PPP1R16A: variants seen among roughly 807,000 people sequenced by gnomAD.
The protein encoded by PPP1R16A is myosin phosphatase-targeting subunit 3.
PPP1R16A carries 39 observed loss-of-function variants against 46.6 expected under a neutral mutation model. The ratio of observed to expected loss-of-function variants is 0.84; its 90% CI spans 0.65 to 1.09. The LOEUF is 1.09. Among genes scored for constraint, PPP1R16A ranks in the 50% least tolerant of loss-of-function variants. The probability of loss-of-function intolerance (pLI) is 0.00; values close to 1 mark genes in which losing one functional copy is unlikely to be tolerated. For synonymous variants in PPP1R16A, 413 were observed against 321.5 expected, an observed-to-expected ratio of 1.28 and a Z score of -3.04; for missense variants, 798 against 735.6, an observed-to-expected ratio of 1.08 and a Z score of -0.98.
chr8:144,500,247 C>T lies in PPP1R16A; in HGVS notation c.581-20C>T. On this transcript the variant is annotated intron_variant, in intron 6 of 11. Transcript: ENST00000435887. ...GGGAGGGCTGCCGGTCGCGCTCCCT[C>T]TGAGCCTGCCGCCTCGCAGGCATCA... 1 of 1,569,484 alleles carries T rather than the reference C, an allele frequency of 6.4e-7. No homozygotes were observed. The highest frequency in any genetic ancestry group is 8.6e-7 in the Non-Finnish European group (1 of 1,158,566).
At chr8:144,481,842 A>G (rs899730557) in intron 1 of PPP1R16A, among the ~76,000 whole-genome samples, 2 of 151,856 alleles carry the variant, frequency 1.3e-5, no homozygotes, top group Non-Finnish European at 2.9e-5. Context: ...CAGTGGCACG[A>G]TCTTGGCTCA....
In PPP1R16A at chr8:144,501,475, G is replaced by T. The variant is rs369149626; in HGVS notation, c.1204-45G>T. On this transcript the variant is annotated intron_variant, in intron 11 of 11. Transcript: ENST00000435887. Reference sequence around the variant, plus strand: ...ACAGCCTGAACCCAAGGCCAGGGAGGGGGGAGGAGCCTCCTGATGGCTCTG... The same window carrying T: ...ACAGCCTGAACCCAAGGCCAGGGAGTGGGGAGGAGCCTCCTGATGGCTCTG... 1.1e-4 allele frequency: 169 copies of T among 1,491,128 alleles called. No homozygotes were observed. In the Middle Eastern group the frequency reaches 7.4e-3, roughly 66 times the overall value. The allele number at this position is 1,491,128 out of a possible 1,614,324, so 92.4% of individuals were successfully genotyped here. A position where few individuals can be genotyped will look rare whatever the true frequency, so the allele number is the denominator to read the frequency against.
At position 144,500,065 on chromosome 8, in the gene PPP1R16A, G is replaced by A. The variant is rs147165392; in HGVS notation, c.477-31G>A. 2.3e-5 allele frequency: 36 copies of A among 1,581,886 alleles called. No homozygotes were observed. In the African/African-American group the frequency reaches 4.9e-4, roughly 21 times the overall value. On this transcript the variant is annotated intron_variant, in intron 5 of 11. Coordinates refer to ENST00000435887, the MANE Select transcript of PPP1R16A (RefSeq NM_001329443.2). ...AGCCTGGCAAGCGGGGAAGGGCCTT[G>A]TGCCCAGCACCCCGTCCGTCTTCCC...
rs753729885 is a variant in PPP1R16A, at chr8:144,500,388, G to T, written c.702G>T (p.Thr234=). The T allele has an allele frequency of 6.6e-7, 1 of 1,525,496 alleles. No individual in the cohort carries two copies. The highest frequency in any genetic ancestry group is 2.1e-4 in the Middle Eastern group (1 of 4,874). The allele number at this position is 1,525,496 out of a possible 1,614,324, so 94.5% of individuals were successfully genotyped here. The part of the protein sequence containing the change: ...DLHAPLDHGA[T]LLHVAAANGF... The stretch of plus-strand genomic sequence containing the variant: ...ATGCCCCCCTGGACCACGGGGCCAC[G>T]CTGGTGAGGGCTGGGGGGTGAGGGG... Residue 234 remains threonine, a synonymous_variant, in exon 7 of 12, where the codon ACG becomes ACT. Coordinates refer to ENST00000435887, the MANE Select transcript of PPP1R16A (RefSeq NM_001329443.2).
Position 144,498,795 on chromosome 8 carries a change from C to CA in PPP1R16A, c.286dup (p.Ser96LysfsTer3). 6.3e-7 allele frequency: 1 copy of CA among 1,596,736 alleles called. No homozygotes were observed. The highest frequency in any genetic ancestry group is 8.6e-7 in the Non-Finnish European group (1 of 1,167,174). On this transcript the variant is annotated frameshift_variant, in exon 4 of 12. Coordinates refer to ENST00000435887, the MANE Select transcript of PPP1R16A (RefSeq NM_001329443.2). LOFTEE classifies it high-confidence loss of function. ...TCCGCCAGTTCCTTGGGAGTGGGGT[C>CA]AGCCCTGACTTGGCCAACGAGGACG...
chr8:144,479,024 C>T (rs1326681869), intron 1 of PPP1R16A: 3 of 152,728 alleles, frequency 2.0e-5, no homozygotes, highest in African/African-American at 7.2e-5. Context: ...GTACCGCTGC[C>T]TTTCTCAAAG....
chr8:144,501,575 T>A lies in PPP1R16A; in HGVS notation c.1259T>A (p.Val420Glu). 1 of 1,597,908 alleles carries A rather than the reference T, an allele frequency of 6.3e-7. No homozygotes were observed. ...AATGGCCGAGTAGGGGGCTCCCCAGTGCGGCATCTATACTCCAAGCGACTA... is the reference window on the plus strand; with the variant it reads ...AATGGCCGAGTAGGGGGCTCCCCAGAGCGGCATCTATACTCCAAGCGACTA... ...PHNGRVGGSP[V>E]RHLYSKRLDR... Residue 420 changes from valine to glutamate, a missense_variant, in exon 12 of 12, where the codon GTG becomes GAG. Transcript: ENST00000435887.
chr8:144,483,718 T>C (rs1320421413), intron 1 of PPP1R16A, among the ~76,000 whole-genome samples: 1 of 151,932 alleles, frequency 6.6e-6, no homozygotes, highest in Non-Finnish European at 1.5e-5. Flanking sequence ...TTTTTTTTTT[T>C]GAGACAGAGT....
Position 144,500,962 on chromosome 8 carries a change from G to A in PPP1R16A, c.1028G>A (p.Gly343Asp). 1 of 1,473,266 alleles carries A rather than the reference G, an allele frequency of 6.8e-7. No individual in the cohort carries two copies. Among genetic ancestry groups the A allele is most frequent in the African/African-American group, 1.5e-5 (1 of 67,818 alleles). The allele number at this position is 1,473,266 out of a possible 1,614,324, so 91.3% of individuals were successfully genotyped here. A position where few individuals can be genotyped will look rare whatever the true frequency, so the allele number is the denominator to read the frequency against. ...CTGCGCCGCCGCACCTCCAGCGCCG[G>A]CAGCCGCGGGTGAGCGCCGCCCCCA... is the stretch of plus-strand genomic sequence containing the variant. The part of the protein sequence containing the change: ...SLLRRRTSSA[G>D]SRGKVVRRVS... Residue 343 changes from glycine to aspartate, a missense_variant, in exon 10 of 12, where the codon GGC (glycine) becomes GAC (aspartate). Coordinates refer to ENST00000435887, the MANE Select transcript of PPP1R16A (RefSeq NM_001329443.2).
At chr8:144,480,272 G>C (rs530374208) in intron 1 of PPP1R16A, among the ~76,000 whole-genome samples, 1 of 152,304 alleles carries the variant, frequency 6.6e-6, no homozygotes, top group East Asian at 1.9e-4. Flanking sequence ...ACTGTGAAGG[G>C]CTAGGCAGCA....
rs1229210394 is a variant in PPP1R16A, at chr8:144,501,183, G to T, written c.1092G>T (p.Gln364His). The change falls in exon 11 of 12, where the codon CAG (glutamine) becomes CAT (histidine). Residue 364 changes from glutamine (Q) to histidine (H), a missense_variant. By Grantham distance (24) the Gln-to-His change is conservative (BLOSUM62 0). Transcript: ENST00000435887. ...LTQRTDLYRK[Q>H]HAQEAIVWQQ... ...AGCGCACCGACCTGTACCGCAAGCA[G>T]CACGCCCAGGAGGCCATCGTGTGGC... 1.2e-6 allele frequency: 2 copies of T among 1,610,338 alleles called. No homozygotes were observed.
intron 11 of PPP1R16A, 40 bp downstream of exon 11, chr8:144,501,334 G>C (rs1274208555): frequency 6.5e-7 from 1 of 1,534,608 alleles, no homozygotes; most frequent in African/African-American, 1.4e-5. Flanking sequence ...GCAGGGGTGG[G>C]CCTGGCTCTG....
At position 144,502,062 on chromosome 8, in the gene PPP1R16A, T is replaced by C. The variant is rs1826551380; in HGVS notation, c.*159T>C. ...GTCAGAAGACATGCCTGGAGGGATG[T>C]CTGGCTGCAAAGACTATTTTTATCC... is the stretch of plus-strand genomic sequence containing the variant. On this transcript the variant is annotated 3_prime_UTR_variant, in exon 12 of 12. Transcript: ENST00000435887. 4 of 676,180 alleles carry C rather than the reference T, an allele frequency of 5.9e-6. No homozygotes were observed. The highest frequency in any genetic ancestry group is 9.3e-6 in the Non-Finnish European group (4 of 429,492). The allele number at this position is 676,180 out of a possible 1,614,324, so 41.9% of individuals were successfully genotyped here. A position where few individuals can be genotyped will look rare whatever the true frequency, so the allele number is the denominator to read the frequency against.
At chr8:144,486,238 G>C (rs762730915) in intron 1 of PPP1R16A, among the ~76,000 whole-genome samples, 2 of 152,056 alleles carry the variant, frequency 1.3e-5, no homozygotes, top group African/African-American at 4.8e-5. Context: ...GCTAATTTTT[G>C]TATTTGTAGT....
intron 1 of PPP1R16A, among the ~76,000 whole-genome samples, chr8:144,481,422 C>T (rs1825419686): frequency 6.6e-6 from 1 of 151,690 alleles, no homozygotes; most frequent in South Asian, 2.1e-4. Context: ...GCGGGTGGAT[C>T]ATCTGAGGTT....
Position 144,497,464 on chromosome 8 carries a change from C to G in PPP1R16A, c.259+11C>G. ...ATGACCTGGAAGAAGGTGAGTGTGG[C>G]TGAGCCCAGAGCAGCTCCCAGCAGA... On this transcript the variant is annotated intron_variant, in intron 3 of 11. Coordinates refer to ENST00000435887, the MANE Select transcript of PPP1R16A (RefSeq NM_001329443.2). 6.2e-7 allele frequency: 1 copy of G among 1,612,366 alleles called. No individual in the cohort carries two copies. Among genetic ancestry groups the G allele is most frequent in the Non-Finnish European group, 8.5e-7 (1 of 1,179,960 alleles).
intron 5 of PPP1R16A, 192 bp downstream of exon 5, chr8:144,499,253 C>G: frequency 1.4e-6 from 1 of 739,032 alleles, no homozygotes; most frequent in East Asian, 2.8e-5. Flanking sequence ...CCCAGGGCAG[C>G]GCGGTCCCTG....
rs766707602 is a variant in PPP1R16A at position 144,501,786 on chromosome 8, G to A, written c.1470G>A (p.Thr490=). The stretch of plus-strand genomic sequence containing the variant: ...CTGAGCCTGGCCTGCCTGGTGACAC[G>A]GTGACCCCCCAGCCTGACTGTGGCT... The part of the protein sequence containing the change: ...ETAEPGLPGD[T]VTPQPDCGFR... The change falls in exon 12 of 12, where the codon ACG becomes ACA. Residue 490 remains threonine (T), a synonymous_variant. Transcript: ENST00000435887. 133 of 1,560,432 alleles carry A rather than the reference G, an allele frequency of 8.5e-5. No individual in the cohort carries two copies. The South Asian group carries it at 1.0e-3, about 12-fold the overall frequency.
At chr8:144,499,813 G>T in intron 5 of PPP1R16A, 1 of 420,088 alleles carries the variant, frequency 2.4e-6, no homozygotes, top group South Asian at 2.9e-5. Context: ...TCCCCAGCAG[G>T]CAGGCCCATC....
Sources: gnomAD v4.1 joint callset for allele counts (sites outside exome capture counted in the v4.1 genomes callset) on GRCh38, gnomAD v4.1.1 for gene constraint, MANE v1.5 for transcripts, NCBI Gene and HGNC (gene_info 2026-07-23, HGNC 2026-07-21) for gene names.